PLPPR1: variants seen among roughly 807,000 people sequenced by gnomAD.
PLPPR1 encodes phospholipid phosphatase related 1, also known as phospholipid phosphatase-related protein type 1.
In PLPPR1, 10 loss-of-function variants were observed where a neutral mutation model predicts 33.1. The observed-to-expected ratio is 0.30, with a 90% CI of 0.19 to 0.51. The LOEUF is 0.51. Among genes scored for constraint, PLPPR1 ranks in the 20% least tolerant of loss-of-function variants. PLPPR1 has a pLI of 0.97. For synonymous variants in PLPPR1, 151 were observed against 151.0 expected (o/e 1.00, Z 0.00); for missense variants, 304 against 408.1 (o/e 0.74, Z 2.20).
At chr9:101,322,227 AAGAC>A (rs1829167664) in intron 7 of PLPPR1, among the ~76,000 whole-genome samples, 1 of 140,650 alleles carries the variant, frequency 7.1e-6, no homozygotes, top group Non-Finnish European at 1.5e-5. Context: ...AAAAAAAAAA[AAGAC>A]AGAAATCAGG....
intron 3 of PLPPR1, among the ~76,000 whole-genome samples, chr9:101,285,631 T>C (rs1828380986): frequency 2.0e-5 from 3 of 152,182 alleles, no homozygotes; most frequent in Admixed American, 2.0e-4. Context: ...AGAGTTAAAT[T>C]CTTATAGCAT....
chr9:101,271,755 T>C (rs1283301062), intron 3 of PLPPR1, among the ~76,000 whole-genome samples: 3 of 152,188 alleles, frequency 2.0e-5, no homozygotes, highest in African/African-American at 4.8e-5. Context: ...TCCTGTGTAT[T>C]CAGACAGGCA....
chr9:101,260,297 A>G (rs1210333821), intron 2 of PLPPR1, among the ~76,000 whole-genome samples: 1 of 152,178 alleles, frequency 6.6e-6, no homozygotes, highest in African/African-American at 2.4e-5. Context: ...ATATAATCAT[A>G]GCTATACCTT....
intron 3 of PLPPR1, among the ~76,000 whole-genome samples, chr9:101,280,218 A>G (rs537522088): frequency 1.3e-5 from 2 of 152,234 alleles, no homozygotes; most frequent in East Asian, 1.9e-4. Context: ...GACATATACA[A>G]CTTACCAAGA....
chr9:101,078,179 GA>G (rs1830569138), intron 1 of PLPPR1, among the ~76,000 whole-genome samples: 1 of 40,914 alleles, frequency 2.4e-5, no homozygotes, highest in African/African-American at 1.0e-4. Flanking sequence ...AGAAGAAGAA[GA>G]AGAAGAGGAG....
intron 2 of PLPPR1, among the ~76,000 whole-genome samples, chr9:101,224,971 A>C (rs1021641868): frequency 3.9e-5 from 6 of 152,192 alleles, no homozygotes; most frequent in African/African-American, 1.4e-4. Context: ...GTTCACATTT[A>C]TTGCAATGCT....
At chr9:101,266,806 TG>T (rs1343092675) in intron 2 of PLPPR1, among the ~76,000 whole-genome samples, 1 of 152,234 alleles carries the variant, frequency 6.6e-6, no homozygotes, top group African/African-American at 2.4e-5. Context: ...TCCTTGTGTT[TG>T]TCTTGAGTTC....
intron 2 of PLPPR1, among the ~76,000 whole-genome samples, chr9:101,205,241 C>G (rs142247033): frequency 6.6e-6 from 1 of 152,244 alleles, no homozygotes; most frequent in East Asian, 1.9e-4. Context: ...ATTCCTGATT[C>G]TCCTCTCAAA....
At position 101,246,081 on chromosome 9, in the gene PLPPR1, T is replaced by TAG. The variant is rs1564015000; in HGVS notation, c.64-23798_64-23797insGA. ...ATATATATATATATATATATATATA[T>TAG]ATATATATATATATATATATATATA... On this transcript the variant is annotated intron_variant, in intron 2 of 7. Transcript: ENST00000374874. Among the ~76,000 whole-genome samples, 164 of 110,096 alleles carry TAG rather than the reference T, an allele frequency of 1.5e-3. 3 individuals are homozygous for TAG. Among genetic ancestry groups the TAG allele is most frequent in the African/African-American group, 5.0e-3 (135 of 27,068 alleles). The allele number at this position is 110,096 out of a possible 152,430, so 72.2% of individuals were successfully genotyped here. A position where few individuals can be genotyped will look rare whatever the true frequency, so the allele number is the denominator to read the frequency against.
intron 2 of PLPPR1, among the ~76,000 whole-genome samples, chr9:101,238,099 T>C (rs1827355647): frequency 7.2e-6 from 1 of 138,722 alleles, no homozygotes; most frequent in South Asian, 2.3e-4. Context: ...TACATACATA[T>C]ATATAGCCTA....
In PLPPR1 at chr9:101,316,616, C is replaced by CAAAAAAAAAAAAAAAAAAAAAAAAAAA. The variant is rs553324474; in HGVS notation, c.814-737_814-736insAAAAAAAAAAAAAAAAAAAAAAAAAAA. On this transcript the variant is annotated intron_variant, in intron 6 of 7. Transcript: ENST00000374874. ...AGGGAAAAGGAGGGTTCTTCTTGGG[C>CAAAAAAAAAAAAAAAAAAAAAAAAAAA]AAAAAAAAAAAAGCAGGGAAGATGG... 7.4e-4 allele frequency among the ~76,000 whole-genome samples: 61 copies of CAAAAAAAAAAAAAAAAAAAAAAAAAAA among 82,512 alleles called. 7 individuals are homozygous for CAAAAAAAAAAAAAAAAAAAAAAAAAAA. Among genetic ancestry groups the CAAAAAAAAAAAAAAAAAAAAAAAAAAA allele is most frequent in the African/African-American group, 1.6e-3 (28 of 17,206 alleles). 54.1% of individuals were successfully genotyped at this position (82,512 alleles called of 152,430 possible). A position where few individuals can be genotyped will look rare whatever the true frequency, so the allele number is the denominator to read the frequency against.
At chr9:101,216,479 T>G (rs1200749457) in intron 2 of PLPPR1, among the ~76,000 whole-genome samples, 1 of 152,222 alleles carries the variant, frequency 6.6e-6, no homozygotes, top group Non-Finnish European at 1.5e-5. Context: ...GTTCTGAATG[T>G]TGTCTCTTCA....
intron 1 of PLPPR1, among the ~76,000 whole-genome samples, chr9:101,048,846 C>G (rs969091848): frequency 6.6e-6 from 1 of 151,990 alleles, no homozygotes; most frequent in African/African-American, 2.4e-5. Context: ...GGGTAGCATG[C>G]CATATGGCAT....
chr9:101,219,246 C>T (rs1257200701), intron 2 of PLPPR1, among the ~76,000 whole-genome samples: 4 of 152,152 alleles, frequency 2.6e-5, no homozygotes, highest in Non-Finnish European at 2.9e-5. Context: ...CGTGGAGGTT[C>T]GCAGTTGGGT....
rs1005993542 is a variant in PLPPR1 at position 101,295,649 on chromosome 9, A to G, written c.385+9413A>G. 4.0e-5 allele frequency among the ~76,000 whole-genome samples: 6 copies of G among 150,728 alleles called. No individual in the cohort carries two copies. In the East Asian group the frequency reaches 7.8e-4, roughly 20 times the overall value. ...ACAGAGCCCTCAGAAATAACGCCAC[A>G]TATCTACAACTATCTGATCTTTGAC... On this transcript the variant is annotated intron_variant, in intron 4 of 7. Coordinates refer to ENST00000374874, the MANE Select transcript of PLPPR1 (RefSeq NM_207299.2).
intron 2 of PLPPR1, among the ~76,000 whole-genome samples, chr9:101,239,043 A>G (rs1216483928): frequency 5.4e-5 from 8 of 147,220 alleles, no homozygotes; most frequent in African/African-American, 7.5e-5. Flanking sequence ...TGCTGAATAA[A>G]TAGCTGAATT....
chr9:101,274,493 A>G (rs1213857627), intron 3 of PLPPR1, among the ~76,000 whole-genome samples: 1 of 152,240 alleles, frequency 6.6e-6, no homozygotes, highest in Non-Finnish European at 1.5e-5. Flanking sequence ...GGTCAATGGC[A>G]AAGAGCAGCG....
At chr9:101,085,751 T>G (rs1339423) in intron 1 of PLPPR1, among the ~76,000 whole-genome samples, 94,455 of 151,982 alleles carry the variant, frequency 0.62, 29,358 homozygotes, top group African/African-American at 0.64. Flanking sequence ...TTCAGAAGAA[T>G]GTGGTACTGG....
At position 101,052,933 on chromosome 9, in the gene PLPPR1, A is replaced by G. The variant is rs1450141843; in HGVS notation, c.-46+23831A>G. ...ATGGTCACCTGTATTTCGCTATCTC[A>G]CAAATACTTCTAAGCTGCTGGTAAA... On this transcript the variant is annotated intron_variant, in intron 1 of 7. Coordinates refer to ENST00000374874, the MANE Select transcript of PLPPR1 (RefSeq NM_207299.2). Among the ~76,000 whole-genome samples, 3 of 152,306 alleles carry G rather than the reference A, an allele frequency of 2.0e-5. No individual in the cohort carries two copies. The East Asian group carries it at 5.8e-4, about 29-fold the overall frequency.
Sources: gnomAD v4.1 joint callset for allele counts (sites outside exome capture counted in the v4.1 genomes callset) on GRCh38, gnomAD v4.1.1 for gene constraint, MANE v1.5 for transcripts, NCBI Gene and HGNC (gene_info 2026-07-23, HGNC 2026-07-21) for gene names.